The following ADM variants were observed in gnomAD, a reference collection of about 807,000 sequenced individuals.
The protein encoded by ADM is pro-adrenomedullin.
Under a neutral mutation model 9.0 loss-of-function variants are expected in ADM, and 4 were observed. The observed-to-expected ratio is 0.44, with a 90% confidence interval of 0.22 to 1.02. ADM has a LOEUF of 1.02. Among genes scored for constraint, ADM ranks in the 50% least tolerant of loss-of-function variants. ADM has a pLI of 0.24. For missense variants in ADM, 253 were observed against 254.1 expected (o/e 1.00, Z 0.03); for synonymous variants, 107 against 107.2 (o/e 1.00, Z 0.01).
In ADM at chr11:10,306,312, CCCCCT is replaced by C; in HGVS notation, c.249-15_249-11del. 5 of 705,852 alleles carry C rather than the reference CCCCCT, an allele frequency of 7.1e-6. No individual in the cohort carries two copies. The highest frequency in any genetic ancestry group is 1.2e-5 in the Non-Finnish European group (5 of 429,134). 43.7% of individuals were successfully genotyped at this position (705,852 alleles called of 1,614,324 possible). On this transcript the variant is annotated splice_polypyrimidine_tract_variant and intron_variant, in intron 3 of 3. Transcript: ENST00000278175. Reference sequence around the variant, plus strand: ...GATGGGGTCTCAAGTTGCCTTTCTTCCCCCTCCCCCCGCCCGCAGCAGTCCGGATG... The same window carrying C: ...GATGGGGTCTCAAGTTGCCTTTCTTCCCCCCCGCCCGCAGCAGTCCGGATG...
At chr11:10,306,191 G>C in intron 3 of ADM, 93 bp downstream of exon 3, 11 of 1,549,982 alleles carry the variant, frequency 7.1e-6, no homozygotes, top group Non-Finnish European at 8.7e-6. Context: ...GGGGATCGTC[G>C]GGGCTGGACC....
Position 10,306,674 on chromosome 11 carries a change from C to T in ADM, c.*33C>T. The T allele has an allele frequency of 1.3e-6, 2 of 1,493,880 alleles. No individual in the cohort carries two copies. Among genetic ancestry groups the T allele is most frequent in the Non-Finnish European group, 1.8e-6 (2 of 1,121,838 alleles). 92.5% of individuals were successfully genotyped at this position (1,493,880 alleles called of 1,614,324 possible). A position where few individuals can be genotyped will look rare whatever the true frequency, so the allele number is the denominator to read the frequency against. ...GCGCCCATGGTACAAGGAATAGTCG[C>T]GCAAGCATCCCGCTGGTGCCTCCCG... is the stretch of plus-strand genomic sequence containing the variant. On this transcript the variant is annotated 3_prime_UTR_variant, in exon 4 of 4. Coordinates refer to ENST00000278175, the MANE Select transcript of ADM (RefSeq NM_001124.3).
intron 1 of ADM, 68 bp downstream of exon 1, chr11:10,305,297 G>A: frequency 5.2e-6 from 1 of 193,992 alleles, no homozygotes; most frequent in South Asian, 9.4e-5. Context: ...GCCCTAAACT[G>A]GGAGCGCTGG....
Position 10,306,542 on chromosome 11 carries a change from C to T in ADM, c.459C>T (p.Ser153=). The change falls in exon 4 of 4, where the codon TCC becomes TCT. Residue 153 remains serine, a synonymous_variant. Coordinates refer to ENST00000278175, the MANE Select transcript of ADM (RefSeq NM_001124.3). ...PQGYGRRRRR[S]LPEAGPGRTL... ...GCTACGGCCGCCGGCGCCGGCGCTC[C>T]CTGCCCGAGGCCGGCCCGGGTCGGA... 3 of 1,612,124 alleles carry T rather than the reference C, an allele frequency of 1.9e-6. No individual in the cohort carries two copies. The highest frequency in any genetic ancestry group is 1.7e-4 in the Middle Eastern group (1 of 6,054).
At position 10,305,113 on chromosome 11, in the gene ADM, G is replaced by A. The variant is rs538182588; in HGVS notation, c.-138G>A. The A allele has an allele frequency of 5.7e-5, 9 of 156,784 alleles. No individual in the cohort carries two copies. Among genetic ancestry groups the A allele is most frequent in the African/African-American group, 1.9e-4 (8 of 41,618 alleles). The allele number at this position is 156,784 out of a possible 1,614,324, so 9.7% of individuals were successfully genotyped here. ...GGTGACACTGGATAGAACAGCTCAA[G>A]CCTTGCCACTTCGGGCTTCTCACTG... On this transcript the variant is annotated 5_prime_UTR_variant, in exon 1 of 4. Coordinates refer to ENST00000278175, the MANE Select transcript of ADM (RefSeq NM_001124.3).
Position 10,305,814 on chromosome 11 carries a change from G to C in ADM, c.98+16G>C. 2.5e-6 allele frequency: 4 copies of C among 1,613,958 alleles called. No homozygotes were observed. Among genetic ancestry groups the C allele is most frequent in the Non-Finnish European group, 2.5e-6 (3 of 1,179,916 alleles). ...TTCGAAAGAAGTGAGTCCGGGCAGC[G>C]CCTTCCCCCTTGCTGGTACCTGGCA... On this transcript the variant is annotated intron_variant, in intron 2 of 3. Transcript: ENST00000278175.
Position 10,306,769 on chromosome 11 carries a change from G to T in ADM, c.*128G>T, listed in dbSNP as rs1220548904. ...CCCTGCGGAGACCCTGAGTCCGGGA[G>T]GCACCGTCCGGCGGCGAGCTCTGGC... On this transcript the variant is annotated 3_prime_UTR_variant, in exon 4 of 4. Coordinates refer to ENST00000278175, the MANE Select transcript of ADM (RefSeq NM_001124.3). The T allele has an allele frequency of 3.2e-6, 3 of 940,912 alleles. No individual in the cohort carries two copies. The highest frequency in any genetic ancestry group is 1.5e-6 in the Non-Finnish European group (1 of 662,618). The allele number at this position is 940,912 out of a possible 1,614,324, so 58.3% of individuals were successfully genotyped here. A position where few individuals can be genotyped will look rare whatever the true frequency, so the allele number is the denominator to read the frequency against.
At chr11:10,305,581 A>T in intron 1 of ADM, 99 bp from the exon 2 acceptor site, 2 of 1,012,678 alleles carry the variant, frequency 2.0e-6, no homozygotes, top group Non-Finnish European at 3.0e-6. Flanking sequence ...AGCGCGGGCT[A>T]AACCCGCCTC....
chr11:10,305,725 A>G lies in ADM; in HGVS notation c.25A>G (p.Met9Val), dbSNP rs1289638471. ...GATGAAGCTGGTTTCCGTCGCCCTG[A>G]TGTACCTGGGTTCGCTCGCCTTCCT... MKLVSVAL[M>V]YLGSLAFLGA... Residue 9 changes from methionine (M) to valine (V), a missense_variant, in exon 2 of 4, where the codon ATG (methionine) becomes GTG (valine). By Grantham distance (21) the Met-to-Val change is conservative. Transcript: ENST00000278175. 5.6e-6 allele frequency: 9 copies of G among 1,613,916 alleles called. No individual in the cohort carries two copies. The highest frequency in any genetic ancestry group is 7.6e-6 in the Non-Finnish European group (9 of 1,180,004).
At chr11:10,305,587 G>C (rs1964644516) in intron 1 of ADM, 93 bp from the exon 2 acceptor site, 6 of 1,085,946 alleles carry the variant, frequency 5.5e-6, no homozygotes, top group South Asian at 2.6e-5. Flanking sequence ...GGCTAAACCC[G>C]CCTCGCCGGG....
intron 3 of ADM, 97 bp from the exon 4 acceptor site, chr11:10,306,235 C>T: frequency 6.5e-7 from 1 of 1,543,670 alleles, no homozygotes; most frequent in Non-Finnish European, 8.8e-7. Context: ...TTCCAGCTCC[C>T]TCTGGCTCTA....
Position 10,306,403 on chromosome 11 carries a change from G to T in ADM, c.320G>T (p.Ser107Ile). The T allele has an allele frequency of 6.2e-7, 1 of 1,612,530 alleles. No individual in the cohort carries two copies. Among genetic ancestry groups the T allele is most frequent in the Non-Finnish European group, 8.5e-7 (1 of 1,179,810 alleles). The change falls in exon 4 of 4, where the codon AGC (serine) becomes ATC (isoleucine). Residue 107 changes from serine (S) to isoleucine (I), a missense_variant. Physicochemically the swap from Ser to Ile is moderately radical, Grantham distance 142. Coordinates refer to ENST00000278175, the MANE Select transcript of ADM (RefSeq NM_001124.3). ...ATGAACAACTTCCAGGGCCTCCGGA[G>T]CTTTGGCTGCCGCTTCGGGACGTGC... ...QSMNNFQGLR[S>I]FGCRFGTCTV... is the part of the protein sequence containing the mutation.
chr11:10,306,122 G>C, intron 3 of ADM, 24 bp downstream of exon 3: 1 of 1,611,090 alleles, frequency 6.2e-7, no homozygotes, highest in Non-Finnish European at 8.5e-7. Flanking sequence ...GTGCTGTCCA[G>C]GGACGGGAGG....
intron 1 of ADM, 43 bp from the exon 2 acceptor site, chr11:10,305,637 C>A: frequency 6.4e-7 from 1 of 1,553,532 alleles, no homozygotes; most frequent in South Asian, 1.1e-5. Flanking sequence ...GGCGGTGCAG[C>A]TGGCCCGGGT....
In ADM at chr11:10,306,705, A is replaced by T; in HGVS notation, c.*64A>T. The T allele has an allele frequency of 6.8e-7, 1 of 1,465,272 alleles. No individual in the cohort carries two copies. Among genetic ancestry groups the T allele is most frequent in the Non-Finnish European group, 9.1e-7 (1 of 1,099,540 alleles). 90.8% of individuals were successfully genotyped at this position (1,465,272 alleles called of 1,614,324 possible). A position where few individuals can be genotyped will look rare whatever the true frequency, so the allele number is the denominator to read the frequency against. On this transcript the variant is annotated 3_prime_UTR_variant, in exon 4 of 4. Coordinates refer to ENST00000278175, the MANE Select transcript of ADM (RefSeq NM_001124.3). ...CATCCCGCTGGTGCCTCCCGGGACG[A>T]AGGACTTCCCGAGCGGTGTGGGGAC...
chr11:10,305,629 C>T (rs1464532894), intron 1 of ADM, 51 bp from the exon 2 acceptor site: 23 of 1,517,822 alleles, frequency 1.5e-5, no homozygotes, highest in Non-Finnish European at 2.1e-5. Flanking sequence ...CCCGCCCGGG[C>T]GGTGCAGCTG....
At position 10,305,774 on chromosome 11, in the gene ADM, A is replaced by G. The variant is rs1175444954; in HGVS notation, c.74A>G (p.Asp25Gly). ...CTAGGCGCTGACACCGCTCGGTTGG[A>G]TGTCGCGTCGGAGTTTCGAAAGAAG... ...AFLGADTARL[D>G]VASEFRKKWN... is the part of the protein sequence containing the mutation. The change falls in exon 2 of 4, where the codon GAT becomes GGT. Residue 25 changes from aspartate to glycine, a missense_variant. Coordinates refer to ENST00000278175, the MANE Select transcript of ADM (RefSeq NM_001124.3). 15 of 1,614,104 alleles carry G rather than the reference A, an allele frequency of 9.3e-6. No homozygotes were observed. The highest frequency in any genetic ancestry group is 1.2e-5 in the Non-Finnish European group (14 of 1,180,000).
In ADM at chr11:10,306,038, C is replaced by G. The variant is rs781425252; in HGVS notation, c.188C>G (p.Pro63Arg). The G allele has an allele frequency of 1.2e-6, 2 of 1,614,120 alleles. No individual in the cohort carries two copies. The highest frequency in any genetic ancestry group is 1.7e-6 in the Non-Finnish European group (2 of 1,180,034). Residue 63 changes from proline (P) to arginine (R), a missense_variant, in exon 3 of 4, where the codon CCT becomes CGT. Physicochemically the swap from Pro to Arg is moderately radical, Grantham distance 103. Transcript: ENST00000278175. ...PTGLADVKAG[P>R]AQTLIRPQDM... Reference sequence around the variant, plus strand: ...GGGCTCGCTGACGTGAAGGCCGGGCCTGCCCAGACCCTTATTCGGCCCCAG... The same window carrying G: ...GGGCTCGCTGACGTGAAGGCCGGGCGTGCCCAGACCCTTATTCGGCCCCAG...
intron 3 of ADM, 29 bp downstream of exon 3, chr11:10,306,127 G>T: frequency 1.2e-6 from 2 of 1,609,728 alleles, no homozygotes; most frequent in South Asian, 2.2e-5. Context: ...GTCCAGGGAC[G>T]GGAGGGAAGG....
Sources: gnomAD v4.1 joint callset for allele counts on GRCh38, gnomAD v4.1.1 for gene constraint, MANE v1.5 for transcripts, NCBI Gene and HGNC (gene_info 2026-07-23, HGNC 2026-07-21) for gene names.